The following CDH12 variants were observed in gnomAD, a reference collection of about 807,000 sequenced individuals.
The protein encoded by CDH12 is cadherin-12.
In CDH12, 41 loss-of-function variants were observed where a neutral mutation model predicts 74.1. That is an observed-to-expected ratio of 0.55 (90% confidence interval 0.43 to 0.72). The LOEUF is 0.72. Ranked by LOEUF, CDH12 falls within the 30% of genes least tolerant of loss-of-function variation. The pLI is 0.00. For missense variants in CDH12, 945 were observed against 977.2 expected (o/e 0.97, Z 0.44); for synonymous variants, 399 against 355.0 (o/e 1.12, Z -1.39).
intron 3 of CDH12, among the ~76,000 whole-genome samples, chr5:22,267,539 GCTGAGGGA>G (rs1184272894): frequency 1.3e-5 from 2 of 152,062 alleles, no homozygotes; most frequent in African/African-American, 4.8e-5. Context: ...TTAAAAAATT[GCTGAGGGA>G]CCTCAGCTGT....
rs144814846 is a variant in CDH12, at chr5:22,305,272, G to T, written c.-332-92629C>A. 1.6e-3 allele frequency among the ~76,000 whole-genome samples: 237 copies of T among 152,178 alleles called. 4 individuals carry two copies. Among genetic ancestry groups the T allele is most frequent in the African/African-American group, 5.6e-3 (232 of 41,528 alleles). On this transcript the variant is annotated intron_variant, in intron 3 of 14. Coordinates refer to ENST00000382254, the MANE Select transcript of CDH12 (RefSeq NM_004061.5). ...CCCTCCAATACAGTATGCTCCAACT[G>T]AATACATTGCTTTTTAACACTGTCC...
intron 8 of CDH12, among the ~76,000 whole-genome samples, chr5:21,832,910 TATAATATTAATATATATC>T (rs1749138531): frequency 1.6e-5 from 1 of 61,784 alleles, no homozygotes; most frequent in African/African-American, 1.4e-4. Context: ...TAATATATGA[TATAATATTAATATATATC>T]ATATATTATA....
At chr5:21,875,940 T>G (rs111737947) in intron 6 of CDH12, among the ~76,000 whole-genome samples, 1 of 143,678 alleles carries the variant, frequency 7.0e-6, no homozygotes, top group Non-Finnish European at 1.5e-5. Flanking sequence ...TCTCTCTCCA[T>G]GCTGGAGTGC....
chr5:22,411,123 A>T (rs1743153058), intron 2 of CDH12, among the ~76,000 whole-genome samples: 1 of 152,036 alleles, frequency 6.6e-6, no homozygotes, highest in Admixed American at 6.6e-5. Flanking sequence ...TATAATGGAA[A>T]TAAAGGCAAG....
At chr5:22,255,912 G>C (rs1032494992) in intron 3 of CDH12, among the ~76,000 whole-genome samples, 3 of 151,936 alleles carry the variant, frequency 2.0e-5, no homozygotes, top group Admixed American at 1.3e-4. Context: ...ATAGGTAACC[G>C]AGTTGTTTCT....
chr5:21,953,327 T>A (rs933417857), intron 6 of CDH12, among the ~76,000 whole-genome samples: 2 of 152,202 alleles, frequency 1.3e-5, no homozygotes, highest in African/African-American at 4.8e-5. Flanking sequence ...CTACCTGCAA[T>A]TACCTGCAAT....
chr5:22,360,660 A>G (rs1740761377), intron 3 of CDH12, among the ~76,000 whole-genome samples: 1 of 152,184 alleles, frequency 6.6e-6, no homozygotes, highest in South Asian at 2.1e-4. Context: ...TCCCTGATGA[A>G]CATTGATGCA....
chr5:22,369,925 G>A (rs959827919), intron 3 of CDH12, among the ~76,000 whole-genome samples: 2 of 152,042 alleles, frequency 1.3e-5, no homozygotes, highest in African/African-American at 4.8e-5. Context: ...AAAACATGGT[G>A]TCAGTTTCCA....
intron 12 of CDH12, among the ~76,000 whole-genome samples, chr5:21,764,683 A>C (rs1470820546): frequency 6.6e-6 from 1 of 151,716 alleles, no homozygotes; most frequent in African/African-American, 2.4e-5. Flanking sequence ...AGAAAAGGAA[A>C]GAAATTCAAC....
intron 1 of CDH12, among the ~76,000 whole-genome samples, chr5:22,593,177 C>T (rs916075554): frequency 3.9e-5 from 6 of 152,006 alleles, no homozygotes; most frequent in Non-Finnish European, 7.4e-5. Context: ...TATGGGACAC[C>T]GTCTACTCTT....
At chr5:21,931,004 C>T (rs935849871) in intron 6 of CDH12, among the ~76,000 whole-genome samples, 1 of 152,050 alleles carries the variant, frequency 6.6e-6, no homozygotes, top group Non-Finnish European at 1.5e-5. Flanking sequence ...CAGGTATGTG[C>T]CAAAATGTCT....
chr5:22,747,595 G>A (rs1360297479), intron 1 of CDH12, among the ~76,000 whole-genome samples: 15 of 124,602 alleles, frequency 1.2e-4, no homozygotes, highest in African/African-American at 4.5e-4. Flanking sequence ...TGGTAACAGA[G>A]TGAGACGCTG....
At chr5:22,730,783 A>G (rs1744393806) in intron 1 of CDH12, among the ~76,000 whole-genome samples, 1 of 151,800 alleles carries the variant, frequency 6.6e-6, no homozygotes, top group South Asian at 2.1e-4. Context: ...TGGGTTATTT[A>G]AAAGTTCTTT....
At chr5:22,023,063 ATATT>A (rs1738093928) in intron 5 of CDH12, among the ~76,000 whole-genome samples, 1 of 152,146 alleles carries the variant, frequency 6.6e-6, no homozygotes, top group South Asian at 2.1e-4. Context: ...ACTTTCAACT[ATATT>A]TACTGTAGCA....
intron 6 of CDH12, among the ~76,000 whole-genome samples, chr5:21,870,284 G>C (rs887889058): frequency 6.6e-6 from 1 of 152,134 alleles, no homozygotes; most frequent in African/African-American, 2.4e-5. Flanking sequence ...CACTACTTCT[G>C]TGTGTGTCTG....
chr5:22,632,288 T>A (rs1738623466), intron 1 of CDH12, among the ~76,000 whole-genome samples: 1 of 152,192 alleles, frequency 6.6e-6, no homozygotes, highest in Non-Finnish European at 1.5e-5. Flanking sequence ...TTTAAACCTC[T>A]TCTTTTTATA....
chr5:21,770,671 C>G (rs1373130770), intron 11 of CDH12, among the ~76,000 whole-genome samples: 1 of 151,378 alleles, frequency 6.6e-6, no homozygotes, highest in East Asian at 1.9e-4. Context: ...AAAGAACTTA[C>G]AACAGAATTA....
At chr5:22,569,246 G>A (rs1446505084) in intron 1 of CDH12, among the ~76,000 whole-genome samples, 1 of 152,126 alleles carries the variant, frequency 6.6e-6, no homozygotes, top group Non-Finnish European at 1.5e-5. Flanking sequence ...TGAAGGGGGT[G>A]GATCCATCAT....
rs116647813 is a variant in CDH12, at chr5:22,051,316, C to T, written c.231+27130G>A. ...GCTTTTTTATATGGTAAAGTCAATT[C>T]TAAGAAAAATTCACCTAGATTCCAA... On this transcript the variant is annotated intron_variant, in intron 5 of 14. Coordinates refer to ENST00000382254, the MANE Select transcript of CDH12 (RefSeq NM_004061.5). Among the ~76,000 whole-genome samples the T allele has an allele frequency of 4.0e-3, 604 of 152,156 alleles. 2 individuals are homozygous for T. The highest frequency in any genetic ancestry group is 0.013 in the African/African-American group (557 of 41,516).
Sources: allele counts gnomAD v4.1 joint callset (sites outside exome capture counted in the v4.1 genomes callset), GRCh38; gene constraint gnomAD v4.1.1; transcripts MANE v1.5; gene names NCBI Gene and HGNC (gene_info 2026-07-23, HGNC 2026-07-21).